Variants in TBC1D16 observed in about 807,000 individuals in gnomAD.
TBC1D16 encodes TBC1 domain family member 16, also known as CTD-2529O21.1.
A neutral mutation model predicts 74.7 loss-of-function variants in TBC1D16; 58 were observed. The observed-to-expected ratio is 0.78, with a 90% CI of 0.63 to 0.97. The LOEUF (loss-of-function observed/expected upper bound fraction) is 0.97, where lower values mean the gene tolerates loss of function less well. Among genes scored for constraint, TBC1D16 ranks in the 50% least tolerant of loss-of-function variants. The pLI, the probability that TBC1D16 is intolerant of heterozygous loss-of-function variation, is 0.00. For missense variants in TBC1D16, 1,014 were observed against 1,079.5 expected (o/e 0.94, Z 0.85); for synonymous variants, 493 against 474.7 (o/e 1.04, Z -0.50).
intron 3 of TBC1D16, among the ~76,000 whole-genome samples, chr17:79,995,771 C>T (rs540327504): frequency 6.6e-6 from 1 of 151,606 alleles, no homozygotes; most frequent in Non-Finnish European, 1.5e-5. Context: ...GGCGACAGAG[C>T]GAAACTCTGT....
rs2036978411 is a variant in TBC1D16 at position 80,035,729 on chromosome 17, C to G, written c.-63+66G>C. The G allele has an allele frequency of 6.8e-6, 1 of 147,542 alleles. No homozygotes were observed. The allele number at this position is 147,542 out of a possible 1,614,324, so 9.1% of individuals were successfully genotyped here. On this transcript the variant is annotated intron_variant, in intron 1 of 11. Coordinates refer to ENST00000310924, the MANE Select transcript of TBC1D16 (RefSeq NM_019020.4). The surrounding 1 kb of genome is among the most constrained non-coding windows in gnomAD (Gnocchi z 5.3). ...CCGCCCCAGCTCCGCCGAGGGGGCGCTGCTCGCTGCGCGGTGGACCCCTCG... is the reference window on the plus strand; with the variant it reads ...CCGCCCCAGCTCCGCCGAGGGGGCGGTGCTCGCTGCGCGGTGGACCCCTCG...
chr17:79,998,907 A>C (rs2035377718), intron 3 of TBC1D16, among the ~76,000 whole-genome samples: 1 of 152,212 alleles, frequency 6.6e-6, no homozygotes, highest in Non-Finnish European at 1.5e-5. Context: ...TCCAGAGGAG[A>C]ATATTTCACA....
In TBC1D16 at chr17:79,944,082, A is replaced by G. The variant is rs1371779510; in HGVS notation, c.1908+826T>C. ...TGGTACCGGCACTCGGTGGCTTCAGACTCGCTTTCATCAGACATCAGCCCC... is the reference window on the plus strand; with the variant it reads ...TGGTACCGGCACTCGGTGGCTTCAGGCTCGCTTTCATCAGACATCAGCCCC... On this transcript the variant is annotated intron_variant, in intron 10 of 11. Coordinates refer to ENST00000310924, the MANE Select transcript of TBC1D16 (RefSeq NM_019020.4). This position sits in a 1 kb window ranked among gnomAD's most constrained non-coding sequence, Gnocchi z 7.7. 1 of 1,535,798 alleles carries G rather than the reference A, an allele frequency of 6.5e-7. No homozygotes were observed. The highest frequency in any genetic ancestry group is 1.4e-5 in the African/African-American group (1 of 73,074).
rs147640226 is a variant in TBC1D16 at position 79,952,709 on chromosome 17, C to T, written c.889G>A (p.Gly297Ser). The T allele has an allele frequency of 1.5e-4, 244 of 1,611,648 alleles. 1 individual carries two copies. The highest frequency in any genetic ancestry group is 1.0e-3 in the South Asian group (91 of 90,992). Residue 297 changes from glycine to serine, a missense_variant, in exon 4 of 12, where the codon GGC (glycine) becomes AGC (serine). Coordinates refer to ENST00000310924, the MANE Select transcript of TBC1D16 (RefSeq NM_019020.4). ...TGGCCCAGGTCCACGCGGAACACGC[C>T]GCAAATCTGCTCCAGGGCGCACACC... ...QRVCALEQICGVFRVDLGHMR... is the reference protein window; with the variant it reads ...QRVCALEQICSVFRVDLGHMR...
intron 3 of TBC1D16, among the ~76,000 whole-genome samples, chr17:79,974,725 T>C (rs553992190): frequency 6.6e-6 from 1 of 152,300 alleles, no homozygotes; most frequent in East Asian, 1.9e-4. Flanking sequence ...CCCAGGCTCT[T>C]CTCAGGCGTG....
intron 3 of TBC1D16, among the ~76,000 whole-genome samples, chr17:79,999,850 G>A (rs545068783): frequency 4.5e-4 from 68 of 151,960 alleles, no homozygotes; most frequent in South Asian, 1.5e-3. Context: ...GGCCACCCTC[G>A]AATTTCTAAA....
chr17:79,998,856 T>C (rs953434505), intron 3 of TBC1D16, among the ~76,000 whole-genome samples: 1 of 152,156 alleles, frequency 6.6e-6, no homozygotes, highest in Non-Finnish European at 1.5e-5. Flanking sequence ...GCAGGTTTCA[T>C]GTGAAGGATG....
At position 79,994,729 on chromosome 17, in the gene TBC1D16, T is replaced by C. The variant is rs370228053; in HGVS notation, c.779+15431A>G. On this transcript the variant is annotated intron_variant, in intron 3 of 11. Transcript: ENST00000310924. The surrounding 1 kb of genome is among the most constrained non-coding windows in gnomAD (Gnocchi z 4.6). ...GTGAGCCATTGCGCCCGGCCGAGAA[T>C]GTTTTTTCAAAAAAGCAGGTCGCCA... is the stretch of plus-strand genomic sequence containing the variant. 6.6e-6 allele frequency among the ~76,000 whole-genome samples: 1 copy of C among 152,082 alleles called. No individual in the cohort carries two copies. The highest frequency in any genetic ancestry group is 1.5e-5 in the Non-Finnish European group (1 of 68,014).
At chr17:79,945,709 C>T (rs1480982895) in intron 9 of TBC1D16, among the ~76,000 whole-genome samples, 2 of 152,228 alleles carry the variant, frequency 1.3e-5, no homozygotes, top group African/African-American at 2.4e-5. Flanking sequence ...CCCAGCCATG[C>T]GCTGCCATGA....
chr17:79,986,597 C>T lies in TBC1D16; in HGVS notation c.779+23563G>A, dbSNP rs1352588568. Among the ~76,000 whole-genome samples, 5 of 152,182 alleles carry T rather than the reference C, an allele frequency of 3.3e-5. No individual in the cohort carries two copies. Among genetic ancestry groups the T allele is most frequent in the East Asian group, 1.9e-4 (1 of 5,202 alleles). Reference sequence around the variant, plus strand: ...CGAAGCCTGGCCTTTGAAGGATGAACGGCAAGGGGTATGTCTGCCCTGACA... The same window carrying T: ...CGAAGCCTGGCCTTTGAAGGATGAATGGCAAGGGGTATGTCTGCCCTGACA... On this transcript the variant is annotated intron_variant, in intron 3 of 11. Transcript: ENST00000310924. This position sits in a 1 kb window ranked among gnomAD's most constrained non-coding sequence, Gnocchi z 6.0.
chr17:79,946,518 C>G (rs969958646), intron 9 of TBC1D16, among the ~76,000 whole-genome samples: 3 of 152,210 alleles, frequency 2.0e-5, no homozygotes, highest in Non-Finnish European at 4.4e-5. Context: ...ACTCCGTGGC[C>G]TGGGGCTGGG....
chr17:79,984,454 G>A (rs1451594396), intron 3 of TBC1D16, among the ~76,000 whole-genome samples: 3 of 152,036 alleles, frequency 2.0e-5, no homozygotes, highest in South Asian at 2.1e-4. Context: ...AAAAGTTAAC[G>A]GTGGTGAGCT....
rs2034459133 is a variant in TBC1D16 at position 79,979,019 on chromosome 17, A to C, written c.780-26201T>G. ...CCAAGAGATTTTTCTGAACCCAAAA[A>C]GAATGTTTATTTTTTTTCCCCTAGA... On this transcript the variant is annotated intron_variant, in intron 3 of 11. Coordinates refer to ENST00000310924, the MANE Select transcript of TBC1D16 (RefSeq NM_019020.4). This position sits in a 1 kb window ranked among gnomAD's most constrained non-coding sequence, Gnocchi z 4.8. Among the ~76,000 whole-genome samples, 1 of 152,238 alleles carries C rather than the reference A, an allele frequency of 6.6e-6. No individual in the cohort carries two copies. The highest frequency in any genetic ancestry group is 2.4e-5 in the African/African-American group (1 of 41,462).
intron 1 of TBC1D16, among the ~76,000 whole-genome samples, chr17:80,032,429 T>C (rs984305034): frequency 6.6e-6 from 1 of 152,154 alleles, no homozygotes; most frequent in Non-Finnish European, 1.5e-5. Context: ...AACTTAGTCT[T>C]ACAGTGGCCC....
At position 79,981,796 on chromosome 17, in the gene TBC1D16, G is replaced by A. The variant is rs372310106; in HGVS notation, c.779+28364C>T. 7.9e-5 allele frequency among the ~76,000 whole-genome samples: 12 copies of A among 152,332 alleles called. No individual in the cohort carries two copies. In the South Asian group the frequency reaches 2.5e-3, roughly 32 times the overall value. On this transcript the variant is annotated intron_variant, in intron 3 of 11. Coordinates refer to ENST00000310924, the MANE Select transcript of TBC1D16 (RefSeq NM_019020.4). This position sits in a 1 kb window ranked among gnomAD's most constrained non-coding sequence, Gnocchi z 6.9. ...ATAACGCTGAACCTGCCACGGGCACGAAGCAGACCCACATCCGTCCCTGCA... is the reference window on the plus strand; with the variant it reads ...ATAACGCTGAACCTGCCACGGGCACAAAGCAGACCCACATCCGTCCCTGCA...
In TBC1D16 at chr17:80,001,693, CGG is replaced by C. The variant is rs1481080693; in HGVS notation, c.779+8465_779+8466del. ...ACCCAGTTGTCCCTCCCCTGGGTGG[CGG>C]CAGCTCCTGGATATCTGTGCTGCAC... is the stretch of plus-strand genomic sequence containing the variant. On this transcript the variant is annotated intron_variant, in intron 3 of 11. Coordinates refer to ENST00000310924, the MANE Select transcript of TBC1D16 (RefSeq NM_019020.4). The surrounding 1 kb of genome is among the most constrained non-coding windows in gnomAD (Gnocchi z 5.8). 6.6e-6 allele frequency among the ~76,000 whole-genome samples: 1 copy of C among 152,200 alleles called. No individual in the cohort carries two copies. The highest frequency in any genetic ancestry group is 6.5e-5 in the Admixed American group (1 of 15,298).
In TBC1D16 at chr17:79,994,153, C is replaced by T. The variant is rs1470228342; in HGVS notation, c.779+16007G>A. Reference sequence around the variant, plus strand: ...GCTTTTTAAAGAGCTGTCAGTCCTTCGGAAGACAGTCAATAACAGCATGGT... The same window carrying T: ...GCTTTTTAAAGAGCTGTCAGTCCTTTGGAAGACAGTCAATAACAGCATGGT... On this transcript the variant is annotated intron_variant, in intron 3 of 11. Transcript: ENST00000310924. The surrounding 1 kb of genome is among the most constrained non-coding windows in gnomAD (Gnocchi z 4.6). Among the ~76,000 whole-genome samples the T allele has an allele frequency of 1.3e-5, 2 of 151,924 alleles. No homozygotes were observed. Among genetic ancestry groups the T allele is most frequent in the African/African-American group, 4.8e-5 (2 of 41,336 alleles).
intron 3 of TBC1D16, among the ~76,000 whole-genome samples, chr17:79,957,546 G>A (rs775528596): frequency 6.6e-6 from 1 of 152,198 alleles, no homozygotes; most frequent in African/African-American, 2.4e-5. Context: ...AGGAGCTGGC[G>A]GGGAGGTAGG....
rs909381124 is a variant in TBC1D16 at position 79,939,296 on chromosome 17, C to T, written c.*1563G>A. ...TCTCCTCAAAAGGCTCTTAGGCAGA[C>T]AGACCTGGGAACTTGGAAGTACCTG... On this transcript the variant is annotated 3_prime_UTR_variant, in exon 12 of 12. Transcript: ENST00000310924. The T allele has an allele frequency of 1.3e-5, 2 of 152,204 alleles. No individual in the cohort carries two copies. The highest frequency in any genetic ancestry group is 2.9e-5 in the Non-Finnish European group (2 of 68,060). The allele number at this position is 152,204 out of a possible 1,614,324, so 9.4% of individuals were successfully genotyped here. A position where few individuals can be genotyped will look rare whatever the true frequency, so the allele number is the denominator to read the frequency against.
Sources: gnomAD v4.1 joint callset for allele counts (sites outside exome capture counted in the v4.1 genomes callset) on GRCh38, gnomAD v4.1.1 for gene constraint, Gnocchi (gnomAD v3.1) non-coding constraint, MANE v1.5 for transcripts, NCBI Gene and HGNC (gene_info 2026-07-23, HGNC 2026-07-21) for gene names.